The following ABLIM1 variants were observed in gnomAD, a reference collection of about 807,000 sequenced individuals.
ABLIM1 encodes the protein actin-binding LIM protein 1.
Under a neutral mutation model 107.0 loss-of-function variants are expected in ABLIM1, and 40 were observed. The observed-to-expected ratio is 0.37, with a 90% CI of 0.29 to 0.49. The LOEUF is 0.49. ABLIM1 is among the 20% of genes least tolerant of loss of function. The probability of loss-of-function intolerance (pLI) is 0.97; values close to 1 mark genes in which losing one functional copy is unlikely to be tolerated. For synonymous variants in ABLIM1, 357 were observed against 357.3 expected, an observed-to-expected ratio of 1.00 and a Z score of 0.01; for missense variants, 857 against 1,008.5, an observed-to-expected ratio of 0.85 and a Z score of 2.04.
Position 114,665,216 on chromosome 10 carries a change from A to G in ABLIM1, c.64+19074T>C, listed in dbSNP as rs182431402. On this transcript the variant is annotated intron_variant, in intron 1 of 23. Coordinates refer to the ABLIM1 transcript ENST00000369256. ...TATTGCATTCCCAATGATGACATGCACACACACAAGGCTTTCAGTCCACAA... is the reference window on the plus strand; with the variant it reads ...TATTGCATTCCCAATGATGACATGCGCACACACAAGGCTTTCAGTCCACAA... Among the ~76,000 whole-genome samples the G allele has an allele frequency of 5.3e-5, 8 of 152,266 alleles. No homozygotes were observed. In the East Asian group the frequency reaches 1.5e-3, roughly 29 times the overall value.
chr10:114,549,950 C>T (rs985638970), intron 4 of ABLIM1, among the ~76,000 whole-genome samples: 1 of 152,186 alleles, frequency 6.6e-6, no homozygotes, highest in African/African-American at 2.4e-5. Context: ...TGGGGGAAAA[C>T]ATTAAAAATT....
intron 1 of ABLIM1, among the ~76,000 whole-genome samples, chr10:114,765,345 G>A (rs758291928): frequency 1.4e-5 from 2 of 146,048 alleles, no homozygotes; most frequent in African/African-American, 2.5e-5. Flanking sequence ...CACTGCGCCC[G>A]GCCATTTTCA....
At chr10:114,529,364 C>T (rs542109736) in intron 6 of ABLIM1, among the ~76,000 whole-genome samples, 3 of 152,108 alleles carry the variant, frequency 2.0e-5, no homozygotes, top group East Asian at 1.9e-4. Flanking sequence ...AACTCATGAT[C>T]GCCTGCCTCA....
chr10:114,661,594 G>A (rs2079798236), upstream of ABLIM1, among the ~76,000 whole-genome samples: 2 of 152,200 alleles, frequency 1.3e-5, no homozygotes, highest in Non-Finnish European at 2.9e-5. Flanking sequence ...TACAGTCACA[G>A]CAATCACAAA....
chr10:114,750,910 T>A (rs974591138), intron 1 of ABLIM1, among the ~76,000 whole-genome samples: 2 of 152,228 alleles, frequency 1.3e-5, no homozygotes, highest in Non-Finnish European at 1.5e-5. Context: ...AATAATTCCT[T>A]TTCTTAATTG....
At chr10:114,566,551 T>A (rs2070771105) in intron 4 of ABLIM1, among the ~76,000 whole-genome samples, 1 of 152,236 alleles carries the variant, frequency 6.6e-6, no homozygotes, top group South Asian at 2.1e-4. Context: ...GGCATAATAT[T>A]TTTTTAAAAA....
intron 19 of ABLIM1, 78 bp from the exon 20 acceptor site, chr10:114,440,167 A>G: frequency 7.1e-7 from 1 of 1,404,216 alleles, no homozygotes; most frequent in Non-Finnish European, 1.0e-6. Flanking sequence ...ACTATATTAT[A>G]TTGAAATTCC....
At chr10:114,448,203 C>T (rs2061331428) in intron 14 of ABLIM1, among the ~76,000 whole-genome samples, 183 bp from the exon 15 acceptor site, 1 of 152,208 alleles carries the variant, frequency 6.6e-6, no homozygotes, top group African/African-American at 2.4e-5. Flanking sequence ...ACTCATTTTC[C>T]TTACTTTACG....
chr10:114,737,957 AC>A (rs148245947), intron 1 of ABLIM1, among the ~76,000 whole-genome samples: 5,139 of 152,242 alleles, frequency 0.034, 114 homozygotes, highest in South Asian at 0.061. Flanking sequence ...ATATTAAAAA[AC>A]TTTTACTAAA....
chr10:114,633,081 G>A (rs1040501743), intron 1 of ABLIM1, among the ~76,000 whole-genome samples: 1 of 152,230 alleles, frequency 6.6e-6, no homozygotes, highest in Admixed American at 6.5e-5. Context: ...GAAATGGGAT[G>A]AGCAAGAGAC....
At chr10:114,449,264 T>C (rs1200765933) in intron 14 of ABLIM1, among the ~76,000 whole-genome samples, 1 of 152,214 alleles carries the variant, frequency 6.6e-6, no homozygotes, top group Non-Finnish European at 1.5e-5. Flanking sequence ...GCCAGGGATG[T>C]CACTAAATAT....
At chr10:114,437,694 A>G (rs1262083266) in intron 22 of ABLIM1, 150 bp downstream of exon 22, 1 of 656,286 alleles carries the variant, frequency 1.5e-6, no homozygotes, top group Non-Finnish European at 2.6e-6. Context: ...TTTTTTCTCC[A>G]AAGTTATTTC....
intron 4 of ABLIM1, among the ~76,000 whole-genome samples, chr10:114,562,664 C>T (rs2069929240): frequency 6.6e-6 from 1 of 152,164 alleles, no homozygotes; most frequent in African/African-American, 2.4e-5. Flanking sequence ...TTTAAACATG[C>T]CAGTACACCT....
intron 6 of ABLIM1, among the ~76,000 whole-genome samples, chr10:114,540,314 T>C (rs11592370): frequency 0.015 from 2,269 of 152,292 alleles, 34 homozygotes; most frequent in Non-Finnish European, 0.022. Flanking sequence ...ATTACACGTA[T>C]ATTTTCAATT....
chr10:114,560,087 T>C (rs2069460670), intron 4 of ABLIM1, among the ~76,000 whole-genome samples: 1 of 152,230 alleles, frequency 6.6e-6, no homozygotes. Flanking sequence ...TTAAGAAAAC[T>C]GGCCACCAAT....
intron 2 of ABLIM1, among the ~76,000 whole-genome samples, chr10:114,576,446 A>T (rs2072563837): frequency 6.6e-6 from 1 of 152,210 alleles, no homozygotes; most frequent in African/African-American, 2.4e-5. Context: ...TGCTATCCCC[A>T]AGGTCAACTG....
At chr10:114,535,124 G>A (rs1294314464) in intron 6 of ABLIM1, among the ~76,000 whole-genome samples, 9 of 152,146 alleles carry the variant, frequency 5.9e-5, no homozygotes, top group African/African-American at 2.2e-4. Context: ...GTAAAGTGTT[G>A]CAAAACCAAC....
chr10:114,445,027 T>C (rs2060801346), intron 16 of ABLIM1, among the ~76,000 whole-genome samples: 1 of 152,212 alleles, frequency 6.6e-6, no homozygotes, highest in African/African-American at 2.4e-5. Context: ...ACTGCACACA[T>C]GCCCCCATGT....
chr10:114,599,601 A>C (rs1392997064), intron 2 of ABLIM1, among the ~76,000 whole-genome samples: 1 of 151,622 alleles, frequency 6.6e-6, no homozygotes, highest in African/African-American at 2.4e-5. Context: ...ATGAAACCCC[A>C]TCTCTGCTGA....
Sources: gnomAD v4.1 joint callset for allele counts (sites outside exome capture counted in the v4.1 genomes callset) on GRCh38, gnomAD v4.1.1 for gene constraint, MANE v1.5 for transcripts, NCBI Gene and HGNC (gene_info 2026-07-23, HGNC 2026-07-21) for gene names.